Variants in ZMAT4 observed in about 807,000 individuals in gnomAD.
The protein encoded by ZMAT4 is zinc finger matrin-type protein 4.
Under a neutral mutation model 28.7 loss-of-function variants are expected in ZMAT4, and 17 were observed. The ratio of observed to expected loss-of-function variants is 0.59; its 90% CI spans 0.41 to 0.89. ZMAT4 has a LOEUF of 0.89. Ranked by LOEUF, ZMAT4 falls within the 40% of genes least tolerant of loss-of-function variation. The pLI, the probability that ZMAT4 is intolerant of heterozygous loss-of-function variation, is 0.00. For synonymous variants in ZMAT4, 117 were observed against 109.2 expected (o/e 1.07, Z -0.44); for missense variants, 240 against 283.8 (o/e 0.85, Z 1.11).
chr8:40,557,461 T>C (rs1402454737), intron 6 of ZMAT4, among the ~76,000 whole-genome samples: 2 of 152,166 alleles, frequency 1.3e-5, no homozygotes, highest in Admixed American at 6.5e-5. Context: ...TCCCTGAAGA[T>C]ATCATGCAAG....
At chr8:40,786,556 G>T in intron 2 of ZMAT4, 1 of 516,350 alleles carries the variant, frequency 1.9e-6, no homozygotes, top group Non-Finnish European at 3.0e-6. Flanking sequence ...TATTTTGGTT[G>T]AGTTATTGCT....
At chr8:40,712,280 A>G (rs1481028787) in intron 3 of ZMAT4, among the ~76,000 whole-genome samples, 1 of 152,166 alleles carries the variant, frequency 6.6e-6, no homozygotes, top group Admixed American at 6.5e-5. Context: ...GAGAGCAAAA[A>G]CTATATTTAA....
chr8:40,672,418 A>G (rs778521555), intron 5 of ZMAT4, among the ~76,000 whole-genome samples: 2 of 152,144 alleles, frequency 1.3e-5, no homozygotes, highest in Admixed American at 6.6e-5. Context: ...ATCTATCAGG[A>G]TATCACCTGG....
At chr8:40,883,376 T>G (rs1260845631) in intron 1 of ZMAT4, among the ~76,000 whole-genome samples, 2 of 152,212 alleles carry the variant, frequency 1.3e-5, no homozygotes, top group African/African-American at 4.8e-5. Flanking sequence ...TCGTCATGGT[T>G]CACACCAGCA....
chr8:40,796,557 T>C (rs771377241), intron 2 of ZMAT4, among the ~76,000 whole-genome samples: 37 of 152,190 alleles, frequency 2.4e-4, no homozygotes, highest in Middle Eastern at 3.4e-3. Context: ...CTGTGGTATT[T>C]AAAGAAAAGA....
At chr8:40,806,270 T>C (rs7822331) in intron 2 of ZMAT4, among the ~76,000 whole-genome samples, 85,737 of 152,028 alleles carry the variant, frequency 0.56, 24,388 homozygotes, top group East Asian at 0.65. Flanking sequence ...TAAACCTCTA[T>C]GGAAGCAAAC....
chr8:40,847,317 G>A (rs1482892290), intron 1 of ZMAT4, among the ~76,000 whole-genome samples: 3 of 152,030 alleles, frequency 2.0e-5, no homozygotes, highest in Non-Finnish European at 1.5e-5. Context: ...CATATTTGCC[G>A]TTGATTACAC....
At chr8:40,574,223 T>C (rs1028255478) in intron 6 of ZMAT4, among the ~76,000 whole-genome samples, 2 of 152,122 alleles carry the variant, frequency 1.3e-5, no homozygotes, top group Non-Finnish European at 2.9e-5. Context: ...GTAGTTGATG[T>C]TGGTGTACAC....
At chr8:40,696,989 CT>C (rs1809916922) in intron 4 of ZMAT4, 2 of 372,072 alleles carry the variant, frequency 5.4e-6, no homozygotes, top group Non-Finnish European at 9.7e-6. Context: ...ATGCACACAG[CT>C]CTTCAGCAGA....
chr8:40,615,466 T>C (rs527546998), intron 5 of ZMAT4, among the ~76,000 whole-genome samples: 14 of 152,236 alleles, frequency 9.2e-5, no homozygotes, highest in Non-Finnish European at 1.6e-4. Context: ...AATTTGAATG[T>C]TGGCCTGACT....
At chr8:40,642,030 T>C (rs932398478) in intron 5 of ZMAT4, among the ~76,000 whole-genome samples, 1 of 152,194 alleles carries the variant, frequency 6.6e-6, no homozygotes, top group African/African-American at 2.4e-5. Context: ...CTTTTAAAGA[T>C]ATTTAAACCT....
chr8:40,569,277 T>C (rs1339282415), intron 6 of ZMAT4, among the ~76,000 whole-genome samples: 3 of 152,186 alleles, frequency 2.0e-5, no homozygotes, highest in Non-Finnish European at 4.4e-5. Context: ...TCTAATTAAA[T>C]AAAGTGACAT....
chr8:40,788,830 T>A (rs1472312063), intron 2 of ZMAT4, among the ~76,000 whole-genome samples: 1 of 151,874 alleles, frequency 6.6e-6, no homozygotes, highest in African/African-American at 2.4e-5. Context: ...TTAACAAATT[T>A]TTAGCAAATC....
intron 3 of ZMAT4, among the ~76,000 whole-genome samples, chr8:40,749,602 T>C (rs1812375092): frequency 6.6e-6 from 1 of 152,200 alleles, no homozygotes; most frequent in African/African-American, 2.4e-5. Context: ...TGAACACTGT[T>C]CCACCCACTG....
intron 4 of ZMAT4, among the ~76,000 whole-genome samples, chr8:40,687,363 C>T (rs1809458118): frequency 6.6e-6 from 1 of 152,044 alleles, no homozygotes; most frequent in Non-Finnish European, 1.5e-5. Context: ...TGCTGACTGT[C>T]CCGGGGAGGG....
At chr8:40,870,115 A>C (rs111855216) in intron 1 of ZMAT4, among the ~76,000 whole-genome samples, 42 of 152,352 alleles carry the variant, frequency 2.8e-4, no homozygotes, top group African/African-American at 9.4e-4. Flanking sequence ...ATGTACACCT[A>C]TAAAGGAAAT....
chr8:40,544,000 G>A (rs1388852711), intron 6 of ZMAT4, among the ~76,000 whole-genome samples: 1 of 152,104 alleles, frequency 6.6e-6, no homozygotes, highest in East Asian at 1.9e-4. Context: ...GTCAAAAACT[G>A]CAAAAAATGT....
rs964348994 is a variant in ZMAT4 at position 40,607,353 on chromosome 8, G to A, written c.578-26092C>T. Among the ~76,000 whole-genome samples, 12 of 151,926 alleles carry A rather than the reference G, an allele frequency of 7.9e-5. No individual in the cohort carries two copies. In the East Asian group the frequency reaches 1.2e-3, roughly 15 times the overall value. ...TCACCGTGTTAGCCAGGATGGTCTC[G>A]ATCTCCTGACCTCGTGATCTGCCCA... On this transcript the variant is annotated intron_variant, in intron 5 of 6. Transcript: ENST00000297737.
At chr8:40,622,458 C>T (rs573884653) in intron 5 of ZMAT4, among the ~76,000 whole-genome samples, 1 of 152,236 alleles carries the variant, frequency 6.6e-6, no homozygotes, top group Non-Finnish European at 1.5e-5. Flanking sequence ...AGAATTAGCT[C>T]TGCCCTAAAC....
Sources: gnomAD v4.1 joint callset for allele counts (sites outside exome capture counted in the v4.1 genomes callset) on GRCh38, gnomAD v4.1.1 for gene constraint, MANE v1.5 for transcripts, NCBI Gene and HGNC (gene_info 2026-07-23, HGNC 2026-07-21) for gene names.